Variants in SUGP2 observed in about 807,000 individuals in gnomAD.
SUGP2 encodes SURP and G-patch domain-containing protein 2.
Under a neutral mutation model 90.5 loss-of-function variants are expected in SUGP2, and 24 were observed. That is an observed-to-expected ratio of 0.27 (90% CI 0.19 to 0.37). The LOEUF (loss-of-function observed/expected upper bound fraction) is 0.37, where lower values mean the gene tolerates loss of function less well. SUGP2 is among the 10% of genes least tolerant of loss of function. The pLI is 1.00. For synonymous variants in SUGP2, 473 were observed against 513.4 expected, an observed-to-expected ratio of 0.92 and a Z score of 1.06; for missense variants, 1,233 against 1,363.3, an observed-to-expected ratio of 0.90 and a Z score of 1.51.
At chr19:19,005,042 C>A (rs7253244) in intron 6 of SUGP2, among the ~76,000 whole-genome samples, 111,724 of 152,046 alleles carry the variant, frequency 0.73, 41,202 homozygotes, top group East Asian at 0.89. Flanking sequence ...AAGCATGGAG[C>A]GATGCCAGGA....
At chr19:19,003,240 A>C (rs1178932916) in intron 7 of SUGP2, among the ~76,000 whole-genome samples, 1 of 152,244 alleles carries the variant, frequency 6.6e-6, no homozygotes, top group African/African-American at 2.4e-5. Flanking sequence ...TGTCACATGT[A>C]AATGTGACTG....
chr19:19,007,321 T>C (rs2058116275), intron 6 of SUGP2: 1 of 152,328 alleles, frequency 6.6e-6, no homozygotes, highest in Non-Finnish European at 1.5e-5. Context: ...ATCACTACTA[T>C]CATGCAGTGA....
intron 1 of SUGP2, among the ~76,000 whole-genome samples, chr19:19,031,641 T>G (rs1599598284): frequency 6.6e-6 from 1 of 151,824 alleles, no homozygotes; most frequent in South Asian, 2.1e-4. Flanking sequence ...AGACAGAGGT[T>G]GCAGTGAGCC....
intron 7 of SUGP2, 89 bp from the exon 8 acceptor site, chr19:19,001,763 A>G (rs2057843664): frequency 1.5e-6 from 2 of 1,371,516 alleles, no homozygotes; most frequent in South Asian, 1.2e-5. Context: ...TATTTTGGCT[A>G]ACAGTTCTCT....
intron 4 of SUGP2, among the ~76,000 whole-genome samples, chr19:19,018,725 A>G (rs1184206186): frequency 1.3e-5 from 2 of 152,174 alleles, no homozygotes; most frequent in East Asian, 3.9e-4. Flanking sequence ...CTATTTACAT[A>G]AAGAGGCAAT....
In SUGP2 at chr19:19,026,856, A is replaced by G. The variant is rs1411526259; in HGVS notation, c.122-630T>C. Among the ~76,000 whole-genome samples the G allele has an allele frequency of 2.0e-5, 3 of 152,060 alleles. No individual in the cohort carries two copies. In the East Asian group the frequency reaches 5.8e-4, roughly 29 times the overall value. On this transcript the variant is annotated intron_variant, in intron 2 of 10. Transcript: ENST00000452918. ...TCGGAAAGGTCGGCCAGGCCAATCA[A>G]CCCTCTCTCTGGAGCTGAAAAACCA... is the stretch of plus-strand genomic sequence containing the variant.
chr19:18,994,803 G>A (rs148005598), intron 9 of SUGP2: 8 of 528,674 alleles, frequency 1.5e-5, no homozygotes, highest in Admixed American at 1.0e-4. Context: ...GCCTGTGTTC[G>A]GGACCCTGGC....
intron 8 of SUGP2, among the ~76,000 whole-genome samples, chr19:19,000,318 C>T (rs1426462217): frequency 6.6e-6 from 1 of 152,224 alleles, no homozygotes; most frequent in East Asian, 1.9e-4. Flanking sequence ...AATTCAGCGG[C>T]ATCCCCTCGA....
intron 3 of SUGP2, among the ~76,000 whole-genome samples, chr19:19,020,825 G>GT (rs2058697431): frequency 6.6e-6 from 1 of 151,942 alleles, no homozygotes; most frequent in East Asian, 1.9e-4. Context: ...TCTTCGAATG[G>GT]TAAGATTGTT....
intron 2 of SUGP2, among the ~76,000 whole-genome samples, chr19:19,026,887 C>G (rs1167743600): frequency 6.6e-6 from 1 of 152,088 alleles, no homozygotes; most frequent in African/African-American, 2.4e-5. Flanking sequence ...AACCACAGAC[C>G]GAGGCAGGCA....
chr19:19,013,246 A>G (rs1027444856), intron 4 of SUGP2, among the ~76,000 whole-genome samples: 23 of 152,202 alleles, frequency 1.5e-4, no homozygotes, highest in Non-Finnish European at 3.4e-4. Flanking sequence ...TTCACAATCT[A>G]TATGTTCGTG....
chr19:19,007,743 A>G (rs2058137429), intron 6 of SUGP2, among the ~76,000 whole-genome samples: 1 of 137,722 alleles, frequency 7.3e-6, no homozygotes, highest in Non-Finnish European at 1.5e-5. Context: ...AGCATGAGCC[A>G]TTGCACCTAG....
At chr19:19,017,396 C>T (rs1302979338) in intron 4 of SUGP2, among the ~76,000 whole-genome samples, 3 of 152,172 alleles carry the variant, frequency 2.0e-5, no homozygotes, top group African/African-American at 4.8e-5. Context: ...TAACATCAAA[C>T]GGATAGAGGC....
At chr19:18,996,401 A>C (rs2057587707) in intron 8 of SUGP2, among the ~76,000 whole-genome samples, 1 of 152,192 alleles carries the variant, frequency 6.6e-6, no homozygotes, top group South Asian at 2.1e-4. Flanking sequence ...CTAAAAAAAG[A>C]AACAAAATAC....
chr19:19,007,947 T>TG (rs2058151821), intron 6 of SUGP2, among the ~76,000 whole-genome samples: 2 of 151,794 alleles, frequency 1.3e-5, no homozygotes, highest in African/African-American at 2.4e-5. Flanking sequence ...TTTGTAGAGA[T>TG]GGGGTTTTAG....
intron 2 of SUGP2, 22 bp from the exon 3 acceptor site, chr19:19,026,248 A>T: frequency 6.7e-7 from 1 of 1,495,812 alleles, no homozygotes; most frequent in Non-Finnish European, 8.9e-7. Flanking sequence ...CATCCAAAAA[A>T]AAAAAAGAAG....
At chr19:19,028,581 A>C (rs2059021480) in intron 2 of SUGP2, among the ~76,000 whole-genome samples, 1 of 152,276 alleles carries the variant, frequency 6.6e-6, no homozygotes, top group Admixed American at 6.5e-5. Flanking sequence ...TGAAAAGTTC[A>C]GAGTGGAGCA....
chr19:19,001,844 A>G (rs1373268591), intron 7 of SUGP2, among the ~76,000 whole-genome samples, 170 bp from the exon 8 acceptor site: 1 of 152,172 alleles, frequency 6.6e-6, no homozygotes, highest in Non-Finnish European at 1.5e-5. Context: ...ATGAACATGT[A>G]TGACCCCTGG....
In SUGP2 at chr19:18,993,427, C is replaced by G. The variant is rs1397319136; in HGVS notation, c.*314G>C. 6.6e-6 allele frequency: 1 copy of G among 152,266 alleles called. No individual in the cohort carries two copies. The highest frequency in any genetic ancestry group is 1.5e-5 in the Non-Finnish European group (1 of 68,040). 9.4% of individuals were successfully genotyped at this position (152,266 alleles called of 1,614,324 possible). A position where few individuals can be genotyped will look rare whatever the true frequency, so the allele number is the denominator to read the frequency against. Reference sequence around the variant, plus strand: ...AGCCAGAGGAGCTGGTTCCTCAGCACTCACAGGCTGAGGTGCCTTTCGGGG... The same window carrying G: ...AGCCAGAGGAGCTGGTTCCTCAGCAGTCACAGGCTGAGGTGCCTTTCGGGG... On this transcript the variant is annotated 3_prime_UTR_variant, in exon 11 of 11. Transcript: ENST00000452918.
Sources: allele counts gnomAD v4.1 joint callset (sites outside exome capture counted in the v4.1 genomes callset), GRCh38; gene constraint gnomAD v4.1.1; transcripts MANE v1.5; gene names NCBI Gene and HGNC (gene_info 2026-07-23, HGNC 2026-07-21).